DYM: variants seen among roughly 807,000 people sequenced by gnomAD.
DYM encodes the protein dymeclin.
Under a neutral mutation model 93.1 loss-of-function variants are expected in DYM, and 78 were observed. The observed-to-expected ratio is 0.84, with a 90% CI of 0.70 to 1.01. The LOEUF is 1.01. Among genes scored for constraint, DYM ranks in the 50% least tolerant of loss-of-function variants. DYM has a pLI of 0.00. For synonymous variants in DYM, 321 were observed against 319.7 expected, an observed-to-expected ratio of 1.00 and a Z score of -0.04; for missense variants, 789 against 845.0, an observed-to-expected ratio of 0.93 and a Z score of 0.82.
chr18:49,341,196 C>T (rs1012267013), intron 6 of DYM, among the ~76,000 whole-genome samples: 19 of 152,018 alleles, frequency 1.2e-4, no homozygotes, highest in African/African-American at 4.6e-4. Context: ...TATACTATGA[C>T]AAAGATGATA....
intron 2 of DYM, among the ~76,000 whole-genome samples, chr18:49,397,396 C>T (rs77235915): frequency 0.091 from 13,886 of 152,176 alleles, 853 homozygotes; most frequent in East Asian, 0.31. Flanking sequence ...CTTATTTTTA[C>T]AGATAAGCAA....
At chr18:49,156,782 A>G (rs1025829238) in intron 15 of DYM, among the ~76,000 whole-genome samples, 1 of 151,088 alleles carries the variant, frequency 6.6e-6, no homozygotes, top group Non-Finnish European at 1.5e-5. Flanking sequence ...TTCTACCTAC[A>G]TTCCACTGAC....
At chr18:49,388,777 A>G (rs1041294458) in intron 3 of DYM, among the ~76,000 whole-genome samples, 2 of 152,062 alleles carry the variant, frequency 1.3e-5, no homozygotes, top group African/African-American at 2.4e-5. Context: ...TTTCTTCACA[A>G]CAAAAACAAG....
Position 49,037,148 on chromosome 18 carries a change from A to G in DYM, c.*6907T>C, listed in dbSNP as rs950265353. 1.3e-5 allele frequency among the ~76,000 whole-genome samples: 2 copies of G among 152,106 alleles called. No individual in the cohort carries two copies. The highest frequency in any genetic ancestry group is 2.9e-5 in the Non-Finnish European group (2 of 68,012). On this transcript the variant is annotated 3_prime_UTR_variant, in exon 18 of 18. Coordinates refer to ENST00000675505, the MANE Select transcript of DYM (RefSeq NM_001353214.3). ...AACTCCTGACCTCAGGTGACTCCCAAAGTGCTGGGATTACACATGTGAGCC... is the reference window on the plus strand; with the variant it reads ...AACTCCTGACCTCAGGTGACTCCCAGAGTGCTGGGATTACACATGTGAGCC...
At chr18:49,347,241 T>C (rs1023211341) in intron 6 of DYM, among the ~76,000 whole-genome samples, 2 of 152,058 alleles carry the variant, frequency 1.3e-5, no homozygotes, top group Non-Finnish European at 2.9e-5. Flanking sequence ...AGCAGTTAAC[T>C]ATGGAGGCCA....
chr18:49,333,298 G>T (rs1303418511), intron 7 of DYM, among the ~76,000 whole-genome samples: 1 of 152,216 alleles, frequency 6.6e-6, no homozygotes, highest in East Asian at 1.9e-4. Flanking sequence ...GCTCAAAGAA[G>T]TAGGAATAGT....
At chr18:49,089,309 T>C (rs1220533932) in intron 17 of DYM, among the ~76,000 whole-genome samples, 1 of 152,238 alleles carries the variant, frequency 6.6e-6, no homozygotes, top group African/African-American at 2.4e-5. Context: ...TATGTCAGAC[T>C]GAAAAGCATA....
intron 8 of DYM, among the ~76,000 whole-genome samples, chr18:49,289,536 TACAAATA>T (rs2059900658): frequency 6.8e-6 from 1 of 147,742 alleles, no homozygotes; most frequent in Non-Finnish European, 1.5e-5. Flanking sequence ...ACCTTGTCTC[TACAAATA>T]ATAATAATTA....
At chr18:49,063,609 CTT>C (rs1274363974) in intron 17 of DYM, among the ~76,000 whole-genome samples, 4 of 128,694 alleles carry the variant, frequency 3.1e-5, no homozygotes, top group African/African-American at 1.1e-4. Context: ...TAATTTCTTT[CTT>C]TCTCTCTCTT....
intron 14 of DYM, among the ~76,000 whole-genome samples, chr18:49,191,072 T>C (rs965784611): frequency 3.6e-5 from 5 of 138,960 alleles, no homozygotes; most frequent in African/African-American, 5.3e-5. Context: ...GTGATTGTGC[T>C]GGGGGGAGTG....
At chr18:49,187,931 C>T (rs1232944953) in intron 14 of DYM, among the ~76,000 whole-genome samples, 1 of 149,050 alleles carries the variant, frequency 6.7e-6, no homozygotes, top group Non-Finnish European at 1.5e-5. Context: ...TATCAAACTT[C>T]CACACGTTAT....
intron 11 of DYM, among the ~76,000 whole-genome samples, chr18:49,258,974 GAAAAAACAAAAA>G (rs1568120808): frequency 4.0e-5 from 3 of 74,368 alleles, no homozygotes; most frequent in African/African-American, 8.6e-5. Context: ...TAAAATGGGG[GAAAAAACAAAAA>G]AAAAAACAAA....
At chr18:49,443,199 C>T (rs541269239) in intron 1 of DYM, among the ~76,000 whole-genome samples, 1 of 152,254 alleles carries the variant, frequency 6.6e-6, no homozygotes, top group East Asian at 1.9e-4. Flanking sequence ...TATTTTGTGA[C>T]ATGTGTAAAT....
At chr18:49,161,262 G>A (rs1027551893) in intron 15 of DYM, among the ~76,000 whole-genome samples, 1 of 152,118 alleles carries the variant, frequency 6.6e-6, no homozygotes, top group African/African-American at 2.4e-5. Context: ...TCACAGGACT[G>A]TTACAAATTC....
intron 8 of DYM, among the ~76,000 whole-genome samples, chr18:49,297,533 CT>C (rs1032654414): frequency 6.6e-6 from 1 of 152,074 alleles, no homozygotes; most frequent in African/African-American, 2.4e-5. Flanking sequence ...TAATTATGCA[CT>C]TTTCTATATG....
chr18:49,365,228 T>G (rs2147401828), intron 5 of DYM, among the ~76,000 whole-genome samples: 1 of 152,106 alleles, frequency 6.6e-6, no homozygotes. Flanking sequence ...TATAAAGAAA[T>G]TTCATCCTGC....
At chr18:49,336,474 A>T (rs973844574) in intron 6 of DYM, among the ~76,000 whole-genome samples, 2 of 152,222 alleles carry the variant, frequency 1.3e-5, no homozygotes, top group Non-Finnish European at 2.9e-5. Context: ...CTTCCAGCAC[A>T]TAAGAATACT....
rs750780184 is a variant in DYM at position 49,097,464 on chromosome 18, C to A, written c.1963G>T (p.Val655Leu). Residue 655 changes from valine to leucine, a missense_variant, in exon 17 of 18, where the codon GTG becomes TTG. Transcript: ENST00000675505. ...TTAATGATTTCCAGGACCCGTTCCA[C>A]TGACAGCTCAGCTCCAGCTTGCAGC... is the stretch of plus-strand genomic sequence containing the variant. ...RLLQAGAELS[V>L]ERVLEIIKQG... 6.2e-7 allele frequency: 1 copy of A among 1,614,054 alleles called. No homozygotes were observed. The highest frequency in any genetic ancestry group is 1.7e-5 in the Admixed American group (1 of 59,994).
In DYM at chr18:49,328,297, C is replaced by T. The variant is rs1312523282; in HGVS notation, c.763+3567G>A. On this transcript the variant is annotated intron_variant, in intron 8 of 17. Coordinates refer to ENST00000675505, the MANE Select transcript of DYM (RefSeq NM_001353214.3). ...GTGGTAAAGCGTTAGAGGAAAAGATCGCATCTAGCCAGGAGAGCAAAGGAA... is the reference window on the plus strand; with the variant it reads ...GTGGTAAAGCGTTAGAGGAAAAGATTGCATCTAGCCAGGAGAGCAAAGGAA... Among the ~76,000 whole-genome samples the T allele has an allele frequency of 1.3e-5, 2 of 152,062 alleles. 1 individual carries two copies. The highest frequency in any genetic ancestry group is 2.9e-5 in the Non-Finnish European group (2 of 68,012).
Sources: gnomAD v4.1 joint callset for allele counts (sites outside exome capture counted in the v4.1 genomes callset) on GRCh38, gnomAD v4.1.1 for gene constraint, MANE v1.5 for transcripts, NCBI Gene and HGNC (gene_info 2026-07-23, HGNC 2026-07-21) for gene names.